The following MAP3K20 variants were observed in gnomAD, a reference collection of about 807,000 sequenced individuals.
MAP3K20 encodes the protein HCCS-4.
Under a neutral mutation model 85.7 loss-of-function variants are expected in MAP3K20, and 40 were observed. That is an observed-to-expected ratio of 0.47 (90% CI 0.36 to 0.61). The LOEUF (loss-of-function observed/expected upper bound fraction) is 0.61. Ranked by LOEUF, MAP3K20 falls within the 20% of genes least tolerant of loss-of-function variation. The pLI is 0.00. For missense variants in MAP3K20, 817 were observed against 961.7 expected (o/e 0.85, Z 1.99); for synonymous variants, 325 against 327.7 (o/e 0.99, Z 0.09).
chr2:173,209,071 G>T (rs996265538), intron 9 of MAP3K20, among the ~76,000 whole-genome samples: 7 of 152,024 alleles, frequency 4.6e-5, no homozygotes, highest in Non-Finnish European at 1.0e-4. Context: ...TTAAAATTGG[G>T]GTTTTTTCTT....
chr2:173,211,443 T>C (rs1683889111), intron 10 of MAP3K20: 2 of 152,234 alleles, frequency 1.3e-5, no homozygotes, highest in African/African-American at 4.8e-5. Flanking sequence ...TTGAAGCTTA[T>C]CCCATTTCAG....
At chr2:173,234,803 T>C (rs1259183297) in intron 14 of MAP3K20, among the ~76,000 whole-genome samples, 1 of 152,048 alleles carries the variant, frequency 6.6e-6, no homozygotes, top group Non-Finnish European at 1.5e-5. Context: ...AGCTTACAAC[T>C]TCAGGCTGGG....
intron 2 of MAP3K20, among the ~76,000 whole-genome samples, chr2:173,100,828 A>C (rs1453124768): frequency 7.2e-5 from 11 of 152,190 alleles, no homozygotes; most frequent in Admixed American, 5.9e-4. Context: ...TTGGAGAGTA[A>C]GCAATTTAAA....
chr2:173,215,952 C>T (rs973711659), intron 10 of MAP3K20: 10 of 152,246 alleles, frequency 6.6e-5, no homozygotes, highest in African/African-American at 2.2e-4. Flanking sequence ...ACAGGATTGC[C>T]TCAGTGGCAC....
At chr2:173,146,156 A>C (rs1451700334) in intron 2 of MAP3K20, among the ~76,000 whole-genome samples, 1 of 152,120 alleles carries the variant, frequency 6.6e-6, no homozygotes, top group Non-Finnish European at 1.5e-5. Context: ...TACCTTATTC[A>C]CTTAAGGTCT....
chr2:173,245,886 G>T (rs751539709), intron 16 of MAP3K20, among the ~76,000 whole-genome samples: 1 of 152,124 alleles, frequency 6.6e-6, no homozygotes, highest in Non-Finnish European at 1.5e-5. Flanking sequence ...AGCCAGGATC[G>T]CACCACTGCA....
chr2:173,100,379 C>T (rs985721419), intron 2 of MAP3K20, among the ~76,000 whole-genome samples: 1 of 152,224 alleles, frequency 6.6e-6, no homozygotes, highest in African/African-American at 2.4e-5. Context: ...ATATAAACAG[C>T]ATCGTTCACT....
intron 1 of MAP3K20, among the ~76,000 whole-genome samples, chr2:173,084,878 G>C (rs1687104926): frequency 6.6e-6 from 1 of 152,186 alleles, no homozygotes; most frequent in Non-Finnish European, 1.5e-5. Context: ...AGTGAGGTCA[G>C]AGAGACACAG....
intron 11 of MAP3K20, among the ~76,000 whole-genome samples, chr2:173,227,679 T>C (rs1684424546): frequency 6.6e-6 from 1 of 152,224 alleles, no homozygotes; most frequent in South Asian, 2.1e-4. Flanking sequence ...TTATTTCATT[T>C]ACAACTTCTA....
At chr2:173,162,250 C>T (rs1328310575) in intron 2 of MAP3K20, among the ~76,000 whole-genome samples, 3 of 152,124 alleles carry the variant, frequency 2.0e-5, no homozygotes, top group East Asian at 3.9e-4. Context: ...ATCATATTGG[C>T]ATTTTGGAGA....
intron 11 of MAP3K20, chr2:173,222,848 A>T: frequency 1.0e-6 from 1 of 985,428 alleles, no homozygotes; most frequent in Non-Finnish European, 1.2e-6. Flanking sequence ...TCAGAATGTT[A>T]TCACCTGTTT....
At chr2:173,214,865 A>T (rs978030194) in intron 10 of MAP3K20, among the ~76,000 whole-genome samples, 1 of 152,198 alleles carries the variant, frequency 6.6e-6, no homozygotes, top group Non-Finnish European at 1.5e-5. Context: ...AAACCAAGGG[A>T]GCAGCTGTTT....
intron 2 of MAP3K20, among the ~76,000 whole-genome samples, chr2:173,157,077 C>T (rs971264144): frequency 1.3e-5 from 2 of 152,040 alleles, no homozygotes; most frequent in Non-Finnish European, 2.9e-5. Context: ...CCTTTGTTAG[C>T]GAAAGGAAAG....
chr2:173,161,230 G>A (rs527986467), intron 2 of MAP3K20, among the ~76,000 whole-genome samples: 29 of 152,244 alleles, frequency 1.9e-4, no homozygotes, highest in Non-Finnish European at 3.8e-4. Flanking sequence ...GCAAAGTGCA[G>A]CTGTCCAAAT....
intron 2 of MAP3K20, among the ~76,000 whole-genome samples, chr2:173,129,202 C>G (rs1382395776): frequency 6.6e-6 from 1 of 152,024 alleles, no homozygotes; most frequent in African/African-American, 2.4e-5. Flanking sequence ...GCTGGTGAGC[C>G]ACCGCGCCCA....
At chr2:173,218,556 C>T (rs951436407) in intron 11 of MAP3K20, among the ~76,000 whole-genome samples, 4 of 152,216 alleles carry the variant, frequency 2.6e-5, no homozygotes, top group African/African-American at 9.7e-5. Flanking sequence ...GGGATCTGCA[C>T]AGGAGCAGTG....
In MAP3K20 at chr2:173,102,962, A is replaced by G. The variant is rs528499015; in HGVS notation, c.159+11772A>G. Among the ~76,000 whole-genome samples, 301 of 152,246 alleles carry G rather than the reference A, an allele frequency of 2.0e-3. 3 individuals carry two copies. The highest frequency in any genetic ancestry group is 0.017 in the Middle Eastern group (5 of 294). On this transcript the variant is annotated intron_variant, in intron 2 of 19. Transcript: ENST00000375213. Reference sequence around the variant, plus strand: ...CAGATACTCGGGAGGCTGAGGGAGGAGAATCGCTTGAACCCAGGAATTAGA... The same window carrying G: ...CAGATACTCGGGAGGCTGAGGGAGGGGAATCGCTTGAACCCAGGAATTAGA...
In MAP3K20 at chr2:173,239,481, A is replaced by C; in HGVS notation, c.1344A>C (p.Pro448=). Residue 448 remains proline (P), a synonymous_variant, in exon 16 of 20, where the codon CCA becomes CCC. Transcript: ENST00000375213. Reference sequence around the variant, plus strand: ...TGGTTTTTGGTTTTCACTTGAAACCAGGAACTGGCCCACAGGTAAATCACA... The same window carrying C: ...TGGTTTTTGGTTTTCACTTGAAACCCGGAACTGGCCCACAGGTAAATCACA... The part of the protein sequence containing the change: ...LELVFGFHLK[P]GTGPQDCKWK... 6.2e-7 allele frequency: 1 copy of C among 1,612,648 alleles called. No homozygotes were observed.
At chr2:173,138,071 A>C (rs972416684) in intron 2 of MAP3K20, among the ~76,000 whole-genome samples, 2 of 152,042 alleles carry the variant, frequency 1.3e-5, no homozygotes, top group African/African-American at 4.8e-5. Flanking sequence ...AGGTTCAAGC[A>C]ATTCTCCTGC....
Sources: gnomAD v4.1 joint callset for allele counts (sites outside exome capture counted in the v4.1 genomes callset) on GRCh38, gnomAD v4.1.1 for gene constraint, MANE v1.5 for transcripts, NCBI Gene and HGNC (gene_info 2026-07-23, HGNC 2026-07-21) for gene names.